ABCA7: variants seen among roughly 807,000 people sequenced by gnomAD.
The protein encoded by ABCA7 is ATP binding cassette subfamily A member 7.
ABCA7 carries 261 observed loss-of-function variants against 227.6 expected under a neutral mutation model. That is an observed-to-expected ratio of 1.15 (90% confidence interval 1.04 to 1.27). The LOEUF is 1.27. ABCA7 is among the 50% of genes most tolerant of loss of function. ABCA7 has a pLI of 0.00. For synonymous variants in ABCA7, 1,488 were observed against 1,279.7 expected, an observed-to-expected ratio of 1.16 and a Z score of -3.47; for missense variants, 3,331 against 2,924.5, an observed-to-expected ratio of 1.14 and a Z score of -3.21.
Position 1,054,351 on chromosome 19 carries a change from G to A in ABCA7, c.3726+10G>A, listed in dbSNP as rs770201251. 2 of 1,587,370 alleles carry A rather than the reference G, an allele frequency of 1.3e-6. No homozygotes were observed. Among genetic ancestry groups the A allele is most frequent in the Non-Finnish European group, 1.7e-6 (2 of 1,172,212 alleles). On this transcript the variant is annotated intron_variant, in intron 27 of 46. Transcript: ENST00000263094. This position sits in a 1 kb window ranked among gnomAD's most constrained non-coding sequence, Gnocchi z 4.8. ...CGGCCTGTTCGCCCAGGTGAGGAGGGCTAGCACCAGGGAGTCGCATGGGAG... is the reference window on the plus strand; with the variant it reads ...CGGCCTGTTCGCCCAGGTGAGGAGGACTAGCACCAGGGAGTCGCATGGGAG...
In ABCA7 at chr19:1,041,946, G is replaced by T. The variant is rs573812498; in HGVS notation, c.276G>T (p.Gly92=). 2 of 1,589,710 alleles carry T rather than the reference G, an allele frequency of 1.3e-6. No individual in the cohort carries two copies. The highest frequency in any genetic ancestry group is 1.7e-6 in the Non-Finnish European group (2 of 1,173,686). Residue 92 remains glycine (G), a synonymous_variant, in exon 4 of 47, where the codon GGG becomes GGT. Coordinates refer to ENST00000263094, the MANE Select transcript of ABCA7 (RefSeq NM_019112.4). The part of the protein sequence containing the change: ...FPQLTPGEEP[G]RLSNFNDSLV... ...AGCTGACACCGGGCGAGGAGCCCGG[G>T]CGCCTGAGCAACTTCAACGACTCCC...
At position 1,051,133 on chromosome 19, in the gene ABCA7, CTGCTCTG is replaced by C; in HGVS notation, c.2685-18_2685-12del. On this transcript the variant is annotated splice_polypyrimidine_tract_variant and intron_variant, in intron 19 of 46. Coordinates refer to ENST00000263094, the MANE Select transcript of ABCA7 (RefSeq NM_019112.4). ...GACTCTGCCTGCCATGTGGGTCACT[CTGCTCTG>C]TGCACTGGCCGCAGGCTGACCGTGG... 4 of 1,609,556 alleles carry C rather than the reference CTGCTCTG, an allele frequency of 2.5e-6. No individual in the cohort carries two copies. Among genetic ancestry groups the C allele is most frequent in the Non-Finnish European group, 3.4e-6 (4 of 1,178,976 alleles).
intron 1 of ABCA7, among the ~76,000 whole-genome samples, chr19:1,040,460 A>C (rs1326101789): frequency 6.6e-6 from 1 of 152,054 alleles, no homozygotes; most frequent in Non-Finnish European, 1.5e-5. Flanking sequence ...TTACAAATGG[A>C]GAAACTGAGC....
chr19:1,064,337 G>A, intron 45 of ABCA7, 84 bp downstream of exon 45: 2 of 1,390,446 alleles, frequency 1.4e-6, no homozygotes, highest in Non-Finnish European at 1.9e-6. Flanking sequence ...CGTAGAGCCG[G>A]GTGAGGAAAG....
Position 1,056,313 on chromosome 19 carries a change from C to T in ABCA7, c.4417-17C>T, listed in dbSNP as rs377415053. 1.9e-6 allele frequency: 3 copies of T among 1,611,074 alleles called. No individual in the cohort carries two copies. The highest frequency in any genetic ancestry group is 2.5e-6 in the Non-Finnish European group (3 of 1,179,120). On this transcript the variant is annotated splice_polypyrimidine_tract_variant and intron_variant, in intron 32 of 46. Transcript: ENST00000263094. The surrounding 1 kb of genome is among the most constrained non-coding windows in gnomAD (Gnocchi z 4.3). ...CAACCCCATTGCTCTGACCCTATGA[C>T]CTTGACCCCCACCCAGATCTGGTTC... is the stretch of plus-strand genomic sequence containing the variant.
intron 16 of ABCA7, 118 bp from the exon 17 acceptor site, chr19:1,048,777 C>G (rs1384295310): frequency 1.9e-6 from 1 of 521,692 alleles, no homozygotes; most frequent in Non-Finnish European, 3.3e-6. Context: ...CCACTGCACT[C>G]CAGCCTGGGC....
At chr19:1,061,593 G>A (rs2042659523) in intron 40 of ABCA7, among the ~76,000 whole-genome samples, 189 bp from the exon 41 acceptor site, 1 of 151,872 alleles carries the variant, frequency 6.6e-6, no homozygotes, top group Admixed American at 6.6e-5. Flanking sequence ...CAGCTACTTG[G>A]GAGGCTAAGG....
intron 12 of ABCA7, 183 bp downstream of exon 12, chr19:1,045,414 C>T (rs1044112319): frequency 3.1e-6 from 2 of 646,966 alleles, no homozygotes; most frequent in Non-Finnish European, 5.3e-6. Flanking sequence ...ATGGGCGGGG[C>T]CTAGGTGCAT....
Position 1,059,075 on chromosome 19 carries a change from C to T in ABCA7, c.5453C>T (p.Pro1818Leu). The T allele has an allele frequency of 6.2e-7, 1 of 1,613,188 alleles. No individual in the cohort carries two copies. The highest frequency in any genetic ancestry group is 1.1e-5 in the South Asian group (1 of 90,962). The change falls in exon 40 of 47, where the codon CCC becomes CTC. Residue 1818 changes from proline (P) to leucine (L), a missense_variant. Transcript: ENST00000263094. ...PAVDRLCLGI[P>L]PGECFGLLGV... ...GTTGACCGCTTGTGCCTGGGGATTC[C>T]CCCTGGTGAGGTGAGTCCAGGGGTG...
Position 1,063,833 on chromosome 19 carries a change from A to G in ABCA7, c.5921A>G (p.Glu1974Gly). Reference sequence around the variant, plus strand: ...AACAGCCTTTTGGCCGTGGTGCGGGAGGGCCGTTCAGTGATGCTCACCTCC... The same window carrying G: ...AACAGCCTTTTGGCCGTGGTGCGGGGGGGCCGTTCAGTGATGCTCACCTCC... Reference protein sequence around the residue: ...LWNSLLAVVREGRSVMLTSHS... With the variant: ...LWNSLLAVVRGGRSVMLTSHS... Residue 1974 changes from glutamate (E) to glycine (G), a missense_variant, in exon 44 of 47, where the codon GAG becomes GGG. Transcript: ENST00000263094. The G allele has an allele frequency of 1.3e-6, 2 of 1,541,840 alleles. No individual in the cohort carries two copies. Among genetic ancestry groups the G allele is most frequent in the Non-Finnish European group, 1.7e-6 (2 of 1,144,540 alleles).
At chr19:1,064,301 T>C in intron 45 of ABCA7, 48 bp downstream of exon 45, 1 of 1,511,448 alleles carries the variant, frequency 6.6e-7, no homozygotes, top group Non-Finnish European at 8.9e-7. Flanking sequence ...GGTGGGCACG[T>C]AGGTAGGCTC....
intron 42 of ABCA7, among the ~76,000 whole-genome samples, chr19:1,062,946 T>C (rs1222996606): frequency 8.5e-6 from 1 of 117,956 alleles, no homozygotes; most frequent in Non-Finnish European, 1.8e-5. Flanking sequence ...ACCCACACCA[T>C]GGCCCCGCCC....
In ABCA7 at chr19:1,058,260, G is replaced by A. The variant is rs1313503025; in HGVS notation, c.5140G>A (p.Glu1714Lys). The A allele has an allele frequency of 1.2e-6, 2 of 1,613,350 alleles. No individual in the cohort carries two copies. Among genetic ancestry groups the A allele is most frequent in the African/African-American group, 2.7e-5 (2 of 74,884 alleles). Reference protein sequence around the residue: ...VRNQAMADAFERLGDRQFQSP... With the variant: ...VRNQAMADAFKRLGDRQFQSP... ...GAACCAGGCCATGGCTGATGCCTTTGAGCGCTTGGGTGAGAACTTCCTGTC... is the reference window on the plus strand; with the variant it reads ...GAACCAGGCCATGGCTGATGCCTTTAAGCGCTTGGGTGAGAACTTCCTGTC... The change falls in exon 37 of 47, where the codon GAG becomes AAG. Residue 1714 changes from glutamate to lysine, a missense_variant. By Grantham distance (56) the Glu-to-Lys change is moderately conservative. Transcript: ENST00000263094.
At position 1,046,979 on chromosome 19, in the gene ABCA7, C is replaced by T. The variant is rs1330587291; in HGVS notation, c.1800C>T (p.Leu600=). Residue 600 remains leucine (L), a synonymous_variant, in exon 14 of 47, where the codon CTC becomes CTT. Coordinates refer to ENST00000263094, the MANE Select transcript of ABCA7 (RefSeq NM_019112.4). The part of the protein sequence containing the change: ...VLWLGWFLSC[L]GPFLLSAALL... ...GGCTAGGCTGGTTCCTCAGCTGCCT[C>T]GGGCCCTTCCTGCTCAGCGCCGCAC... is the stretch of plus-strand genomic sequence containing the variant. 1 of 1,582,998 alleles carries T rather than the reference C, an allele frequency of 6.3e-7. No individual in the cohort carries two copies.
In ABCA7 at chr19:1,057,444, C is replaced by T. The variant is rs1256012133; in HGVS notation, c.4880+15C>T. 1 of 1,601,546 alleles carries T rather than the reference C, an allele frequency of 6.2e-7. No homozygotes were observed. Among genetic ancestry groups the T allele is most frequent in the African/African-American group, 1.3e-5 (1 of 74,630 alleles). ...CTACTGTATGGGTGAGGCCCCCAGT[C>T]CCTCAGGGCCTATTCTTACTGACCC... is the stretch of plus-strand genomic sequence containing the variant. On this transcript the variant is annotated intron_variant, in intron 35 of 46. Coordinates refer to ENST00000263094, the MANE Select transcript of ABCA7 (RefSeq NM_019112.4).
intron 4 of ABCA7, 43 bp from the exon 5 acceptor site, chr19:1,042,021 G>C: frequency 6.3e-7 from 1 of 1,582,906 alleles, no homozygotes; most frequent in Non-Finnish European, 8.5e-7. Context: ...CGGGGCTGCA[G>C]TGCCGGCCGG....
Position 1,043,535 on chromosome 19 carries a change from G to C in ABCA7, c.930+62G>C, listed in dbSNP as rs2040271385. The C allele has an allele frequency of 3.1e-6, 5 of 1,611,366 alleles. No individual in the cohort carries two copies. The South Asian group carries it at 4.4e-5, about 14-fold the overall frequency. On this transcript the variant is annotated intron_variant, in intron 9 of 46. Coordinates refer to ENST00000263094, the MANE Select transcript of ABCA7 (RefSeq NM_019112.4). ...GGCCAGAGCCCATCCAGTACCCTCA[G>C]TCCAGGTGGGCCAGGGCCAGGCCGG... is the stretch of plus-strand genomic sequence containing the variant.
Position 1,042,782 on chromosome 19 carries a change from C to A in ABCA7, c.535C>A (p.Pro179Thr). Residue 179 changes from proline (P) to threonine (T), a missense_variant, in exon 7 of 47, where the codon CCC (proline) becomes ACC (threonine). Transcript: ENST00000263094. ...LGLALGQAQE[P>T]LHSLLEAAED... ...GTTGGCACTGGGCCAAGCCCAGGAG[C>A]CCTTGCACAGCTTGTTGGAGGCCGC... is the stretch of plus-strand genomic sequence containing the variant. 6.2e-7 allele frequency: 1 copy of A among 1,613,164 alleles called. No homozygotes were observed.
chr19:1,062,574 CCTCT>C (rs2042731831), intron 42 of ABCA7, among the ~76,000 whole-genome samples: 1 of 152,026 alleles, frequency 6.6e-6, no homozygotes, highest in Non-Finnish European at 1.5e-5. Flanking sequence ...GCACGTTGCC[CCTCT>C]CTCCTTGACT....
Sources: gnomAD v4.1 joint callset for allele counts (sites outside exome capture counted in the v4.1 genomes callset) on GRCh38, gnomAD v4.1.1 for gene constraint, Gnocchi (gnomAD v3.1) non-coding constraint, MANE v1.5 for transcripts, NCBI Gene and HGNC (gene_info 2026-07-23, HGNC 2026-07-21) for gene names.